Variants in ABCC4 observed in about 807,000 individuals in gnomAD.
ABCC4 encodes ATP-binding cassette sub-family C member 4.
A neutral mutation model predicts 168.5 loss-of-function variants in ABCC4; 102 were observed. The observed-to-expected ratio is 0.61, with a 90% CI of 0.52 to 0.71. The LOEUF is 0.71. ABCC4 is among the 30% of genes least tolerant of loss of function. ABCC4 has a pLI of 0.00. For synonymous variants in ABCC4, 617 were observed against 590.7 expected (o/e 1.04, Z -0.65); for missense variants, 1,402 against 1,605.8 (o/e 0.87, Z 2.17).
chr13:95,159,914 T>A (rs981478354), intron 19 of ABCC4, among the ~76,000 whole-genome samples: 1 of 152,238 alleles, frequency 6.6e-6, no homozygotes, highest in Non-Finnish European at 1.5e-5. Flanking sequence ...AGTTCACAGA[T>A]ACATGGCTTC....
intron 19 of ABCC4, among the ~76,000 whole-genome samples, chr13:95,121,677 G>A (rs1275060230): frequency 2.0e-5 from 3 of 152,050 alleles, no homozygotes; most frequent in African/African-American, 7.2e-5. Flanking sequence ...CCAAAGTGCT[G>A]GGAATACAGG....
intron 1 of ABCC4, among the ~76,000 whole-genome samples, chr13:95,279,988 G>A (rs1210389938): frequency 2.0e-5 from 3 of 152,056 alleles, no homozygotes; most frequent in Non-Finnish European, 4.4e-5. Context: ...GCCAAGGTTT[G>A]TGCTCACCAT....
chr13:95,148,615 C>T (rs1165130607), intron 19 of ABCC4, among the ~76,000 whole-genome samples: 1 of 151,104 alleles, frequency 6.6e-6, no homozygotes, highest in South Asian at 2.1e-4. Context: ...CACACACACA[C>T]ACACACACAC....
chr13:95,203,484 A>G (rs2038690258), intron 8 of ABCC4, among the ~76,000 whole-genome samples: 1 of 151,822 alleles, frequency 6.6e-6, no homozygotes. Flanking sequence ...CGTGTAGCTC[A>G]GGAGCTGGGA....
chr13:95,275,251 T>C (rs1176291657), intron 1 of ABCC4, among the ~76,000 whole-genome samples: 2 of 152,350 alleles, frequency 1.3e-5, no homozygotes, highest in Admixed American at 1.3e-4. Context: ...GCTGTGATTT[T>C]ACTGCAGGTA....
intron 8 of ABCC4, among the ~76,000 whole-genome samples, chr13:95,205,786 C>G (rs1002190172): frequency 6.6e-6 from 1 of 152,182 alleles, no homozygotes; most frequent in Non-Finnish European, 1.5e-5. Context: ...GGATTAGTGT[C>G]CTTACAGAAG....
chr13:95,052,126 G>A (rs1453397393), intron 27 of ABCC4, among the ~76,000 whole-genome samples: 4 of 152,056 alleles, frequency 2.6e-5, no homozygotes, highest in South Asian at 2.1e-4. Flanking sequence ...GACTACAGGC[G>A]CACACCACCA....
intron 30 of ABCC4, among the ~76,000 whole-genome samples, chr13:95,022,212 G>A (rs1431463340): frequency 7.2e-5 from 11 of 152,172 alleles, no homozygotes; most frequent in Admixed American, 7.2e-4. Flanking sequence ...AGGGCCTATA[G>A]AAATGTGGTC....
intron 14 of ABCC4, among the ~76,000 whole-genome samples, chr13:95,168,040 G>C (rs1242176352): frequency 6.6e-6 from 1 of 152,076 alleles, no homozygotes; most frequent in African/African-American, 2.4e-5. Flanking sequence ...CAATTTTTTT[G>C]TATTTTCGGT....
intron 4 of ABCC4, among the ~76,000 whole-genome samples, chr13:95,224,686 G>A (rs1416457721): frequency 6.6e-6 from 1 of 151,730 alleles, no homozygotes; most frequent in Admixed American, 6.6e-5. Flanking sequence ...GCAGTGAGCC[G>A]AGATTGTGCC....
At chr13:95,175,699 A>T (rs2037654321) in intron 13 of ABCC4, among the ~76,000 whole-genome samples, 1 of 152,174 alleles carries the variant, frequency 6.6e-6, no homozygotes, top group Non-Finnish European at 1.5e-5. Flanking sequence ...CAGGAAGAGG[A>T]GATTTGGATA....
At chr13:95,136,355 A>G (rs564703736) in intron 19 of ABCC4, among the ~76,000 whole-genome samples, 3 of 152,176 alleles carry the variant, frequency 2.0e-5, no homozygotes, top group African/African-American at 7.2e-5. Context: ...GTGTCTCACT[A>G]TGTTACCCAG....
Position 95,144,346 on chromosome 13 carries a change from A to C in ABCC4, c.2455+16843T>G, listed in dbSNP as rs527420499. Among the ~76,000 whole-genome samples, 20 of 151,986 alleles carry C rather than the reference A, an allele frequency of 1.3e-4. No homozygotes were observed. In the South Asian group the frequency reaches 2.9e-3, roughly 22 times the overall value. On this transcript the variant is annotated intron_variant, in intron 19 of 30. Coordinates refer to ENST00000645237, the MANE Select transcript of ABCC4 (RefSeq NM_005845.5). ...GAAGCATTCTCCTTGATAACCAGTA[A>C]GACAAGGAGGCCTACTCTCACTACA...
intron 25 of ABCC4, among the ~76,000 whole-genome samples, chr13:95,066,642 C>A (rs549297637): frequency 1.3e-5 from 2 of 152,310 alleles, no homozygotes; most frequent in African/African-American, 4.8e-5. Context: ...CTATCACTTG[C>A]ATTTTGCAAA....
At position 95,266,443 on chromosome 13, in the gene ABCC4, TGAACTTAA is replaced by T. The variant is rs2040676697; in HGVS notation, c.75-18698_75-18691del. On this transcript the variant is annotated intron_variant, in intron 1 of 30. Transcript: ENST00000645237. ...CTGGATTTTTTACCTTCTGGCCTCCTGAACTTAAGAGAATAAATGTCTATTGTCTTAAA... is the reference window on the plus strand; with the variant it reads ...CTGGATTTTTTACCTTCTGGCCTCCTGAGAATAAATGTCTATTGTCTTAAA... Among the ~76,000 whole-genome samples the T allele has an allele frequency of 2.0e-5, 3 of 152,190 alleles. No homozygotes were observed. The South Asian group carries it at 6.2e-4, about 32-fold the overall frequency.
intron 30 of ABCC4, among the ~76,000 whole-genome samples, chr13:95,023,940 C>T (rs2031242329): frequency 3.3e-5 from 5 of 152,134 alleles, no homozygotes; most frequent in African/African-American, 9.7e-5. Context: ...GGCGTGGTGG[C>T]TCACACCTGT....
intron 20 of ABCC4, among the ~76,000 whole-genome samples, chr13:95,085,942 A>G (rs886515760): frequency 1.3e-5 from 2 of 152,252 alleles, no homozygotes; most frequent in East Asian, 1.9e-4. Flanking sequence ...CAGAAAATTC[A>G]GTCATACTGA....
chr13:95,035,308 ATGG>A (rs2032074638), intron 29 of ABCC4, among the ~76,000 whole-genome samples: 1 of 152,198 alleles, frequency 6.6e-6, no homozygotes, highest in African/African-American at 2.4e-5. Flanking sequence ...TAAACTCTGG[ATGG>A]TGAGGTTAAG....
At chr13:95,247,606 C>A (rs372107031) in intron 2 of ABCC4, 37 bp downstream of exon 2, 1 of 1,530,008 alleles carries the variant, frequency 6.5e-7, no homozygotes, top group South Asian at 1.1e-5. Context: ...CAGACACCCA[C>A]GCTTCCTTAA....
Sources: allele counts gnomAD v4.1 joint callset (sites outside exome capture counted in the v4.1 genomes callset), GRCh38; gene constraint gnomAD v4.1.1; transcripts MANE v1.5; gene names NCBI Gene and HGNC (gene_info 2026-07-23, HGNC 2026-07-21).